The following KCNH7 variants were observed in gnomAD, a reference collection of about 807,000 sequenced individuals.
KCNH7 encodes the protein potassium voltage-gated channel subfamily H member 7.
In KCNH7, 49 loss-of-function variants were observed where a neutral mutation model predicts 120.8. The observed-to-expected ratio is 0.41, with a 90% CI of 0.32 to 0.51. KCNH7 has a LOEUF of 0.51. KCNH7 is among the 20% of genes least tolerant of loss of function. The probability of loss-of-function intolerance (pLI) is 0.38; values close to 1 mark genes in which losing one functional copy is unlikely to be tolerated. For synonymous variants in KCNH7, 547 were observed against 516.1 expected (o/e 1.06, Z -0.81); for missense variants, 1,097 against 1,446.6 (o/e 0.76, Z 3.92).
intron 9 of KCNH7, among the ~76,000 whole-genome samples, chr2:162,406,778 T>TTAC: frequency 6.6e-6 from 1 of 152,014 alleles, no homozygotes; most frequent in East Asian, 1.9e-4. Flanking sequence ...TGTAAGATAC[T>TTAC]AAACCCTGCT....
intron 2 of KCNH7, among the ~76,000 whole-genome samples, chr2:162,699,945 C>A (rs900307781): frequency 1.3e-5 from 2 of 151,946 alleles, no homozygotes; most frequent in African/African-American, 4.8e-5. Flanking sequence ...GGAAACGTGA[C>A]CTAGGAAATG....
chr2:162,741,290 T>C (rs994794209), intron 2 of KCNH7, among the ~76,000 whole-genome samples: 4 of 149,716 alleles, frequency 2.7e-5, no homozygotes, highest in Non-Finnish European at 5.9e-5. Context: ...TAGTTATACA[T>C]ATTAATAACA....
At chr2:162,530,684 A>G (rs1691891897) in intron 3 of KCNH7, among the ~76,000 whole-genome samples, 1 of 152,006 alleles carries the variant, frequency 6.6e-6, no homozygotes, top group Non-Finnish European at 1.5e-5. Context: ...GAAGGTTAAG[A>G]TGTGTCTGCT....
At chr2:162,668,476 CT>C (rs1194009256) in intron 2 of KCNH7, among the ~76,000 whole-genome samples, 1 of 152,162 alleles carries the variant, frequency 6.6e-6, no homozygotes, top group Admixed American at 6.5e-5. Context: ...CAAGCCACCA[CT>C]GATGTAGAGC....
intron 5 of KCNH7, among the ~76,000 whole-genome samples, chr2:162,511,045 C>A (rs959708859): frequency 1.3e-5 from 2 of 151,628 alleles, no homozygotes; most frequent in African/African-American, 4.8e-5. Flanking sequence ...CTACCATATA[C>A]TTTAAATTGT....
chr2:162,435,226 G>T lies in KCNH7; in HGVS notation c.1926C>A (p.Ile642=), dbSNP rs1275566257. 2.5e-6 allele frequency: 4 copies of T among 1,613,140 alleles called. No individual in the cohort carries two copies. Among genetic ancestry groups the T allele is most frequent in the Non-Finnish European group, 3.4e-6 (4 of 1,179,506 alleles). ...NVSPNTNSEK[I]FSICVMLIGS... is the part of the protein sequence containing the mutation. ...CAATCAACATGACACAAATTGAAAA[G>T]ATTTTCTCCGAATTCGTGTTAGGAG... Residue 642 remains isoleucine, a synonymous_variant, in exon 8 of 16, where the codon ATC becomes ATA. Coordinates refer to ENST00000332142, the MANE Select transcript of KCNH7 (RefSeq NM_033272.4).
intron 6 of KCNH7, among the ~76,000 whole-genome samples, chr2:162,476,081 C>G (rs1490889221): frequency 2.0e-5 from 3 of 152,208 alleles, no homozygotes; most frequent in African/African-American, 7.2e-5. Flanking sequence ...AATTGCAAGC[C>G]TTGTCCGGAA....
intron 12 of KCNH7, among the ~76,000 whole-genome samples, chr2:162,391,322 C>T (rs76124751): frequency 0.024 from 3,689 of 152,164 alleles, 136 homozygotes; most frequent in African/African-American, 0.084. Flanking sequence ...ATTGACGCTA[C>T]ATCAAGAAGT....
At chr2:162,390,453 A>T (rs1686711852) in intron 12 of KCNH7, among the ~76,000 whole-genome samples, 1 of 151,970 alleles carries the variant, frequency 6.6e-6, no homozygotes, top group Admixed American at 6.6e-5. Context: ...GAGTAGGCAC[A>T]GTTCAACTTT....
rs577278919 is a variant in KCNH7, at chr2:162,715,462, C to T, written c.307+121075G>A. Reference sequence around the variant, plus strand: ...ATTTGGGTGGGGACAAATATCCAAACTATATCAGTTGGTATGGTGGACTGA... The same window carrying T: ...ATTTGGGTGGGGACAAATATCCAAATTATATCAGTTGGTATGGTGGACTGA... On this transcript the variant is annotated intron_variant, in intron 2 of 15. Coordinates refer to ENST00000332142, the MANE Select transcript of KCNH7 (RefSeq NM_033272.4). Among the ~76,000 whole-genome samples, 20 of 152,288 alleles carry T rather than the reference C, an allele frequency of 1.3e-4. 1 individual carries two copies. Among genetic ancestry groups the T allele is most frequent in the African/African-American group, 3.8e-4 (16 of 41,566 alleles).
intron 2 of KCNH7, among the ~76,000 whole-genome samples, chr2:162,756,829 T>C (rs970793210): frequency 5.9e-5 from 9 of 152,188 alleles, no homozygotes; most frequent in African/African-American, 1.9e-4. Context: ...ATTTAGCTTA[T>C]ACACAGGGTG....
intron 2 of KCNH7, among the ~76,000 whole-genome samples, chr2:162,600,065 T>A (rs1694501163): frequency 6.6e-6 from 1 of 152,122 alleles, no homozygotes; most frequent in Admixed American, 6.6e-5. Context: ...TTCAAGGTGC[T>A]CACCCATCCT....
rs570462489 is a variant in KCNH7 at position 162,469,277 on chromosome 2, T to C, written c.1129-22834A>G. On this transcript the variant is annotated intron_variant, in intron 6 of 15. Transcript: ENST00000332142. ...ACCAACACATTTGAGAGCAAAATCATATTTTAGTACCATAGGTAACACTTC... is the reference window on the plus strand; with the variant it reads ...ACCAACACATTTGAGAGCAAAATCACATTTTAGTACCATAGGTAACACTTC... Among the ~76,000 whole-genome samples the C allele has an allele frequency of 7.4e-4, 112 of 152,162 alleles. 4 individuals are homozygous for C. In the South Asian group the frequency reaches 0.023, roughly 31 times the overall value.
At chr2:162,440,378 A>T (rs1376123948) in intron 7 of KCNH7, among the ~76,000 whole-genome samples, 1 of 151,988 alleles carries the variant, frequency 6.6e-6, no homozygotes, top group Non-Finnish European at 1.5e-5. Context: ...GGGAAATGTT[A>T]ACACGAGATA....
chr2:162,514,700 T>C (rs1691221471), intron 4 of KCNH7, among the ~76,000 whole-genome samples: 1 of 151,898 alleles, frequency 6.6e-6, no homozygotes, highest in Non-Finnish European at 1.5e-5. Context: ...CAGTAGTACA[T>C]TTTTATTGGC....
In KCNH7 at chr2:162,436,492, C is replaced by G. The variant is rs146813201; in HGVS notation, c.1555-895G>C. Among the ~76,000 whole-genome samples, 295 of 152,168 alleles carry G rather than the reference C, an allele frequency of 1.9e-3. 1 individual carries two copies. The highest frequency in any genetic ancestry group is 6.6e-3 in the African/African-American group (275 of 41,528). The stretch of plus-strand genomic sequence containing the variant: ...ATGATAGGCTACTTCTATATAATAA[C>G]AGGATACTTAACTGGTTGTTTGGAC... On this transcript the variant is annotated intron_variant, in intron 7 of 15. Coordinates refer to ENST00000332142, the MANE Select transcript of KCNH7 (RefSeq NM_033272.4).
At chr2:162,389,265 T>C (rs531437253) in intron 12 of KCNH7, among the ~76,000 whole-genome samples, 2 of 152,096 alleles carry the variant, frequency 1.3e-5, no homozygotes, top group East Asian at 3.9e-4. Flanking sequence ...TTCTCAGCTT[T>C]TGGAAATCAA....
chr2:162,512,510 C>A, intron 5 of KCNH7, 144 bp downstream of exon 5: 1 of 598,828 alleles, frequency 1.7e-6, no homozygotes, highest in Non-Finnish European at 3.0e-6. Context: ...CAAAATCAAG[C>A]CATGATGTCT....
intron 2 of KCNH7, among the ~76,000 whole-genome samples, chr2:162,674,563 A>T (rs1482821068): frequency 6.6e-6 from 1 of 151,750 alleles, no homozygotes; most frequent in Non-Finnish European, 1.5e-5. Context: ...AAAAGAATAA[A>T]TTTAGGGGAT....
Sources: gnomAD v4.1 joint callset for allele counts (sites outside exome capture counted in the v4.1 genomes callset) on GRCh38, gnomAD v4.1.1 for gene constraint, MANE v1.5 for transcripts, NCBI Gene and HGNC (gene_info 2026-07-23, HGNC 2026-07-21) for gene names.